The following GMDS variants were observed in gnomAD, a reference collection of about 807,000 sequenced individuals.
GMDS encodes GDP-mannose 4,6 dehydratase.
In GMDS, 20 loss-of-function variants were observed where a neutral mutation model predicts 49.9. That is an observed-to-expected ratio of 0.40 (90% CI 0.28 to 0.58). GMDS has a LOEUF of 0.58. Among genes scored for constraint, GMDS ranks in the 20% least tolerant of loss-of-function variants. GMDS has a pLI of 0.42. For missense variants in GMDS, 362 were observed against 481.4 expected (o/e 0.75, Z 2.32); for synonymous variants, 177 against 178.6 (o/e 0.99, Z 0.07).
Position 2,117,461 on chromosome 6 carries a change from T to C in GMDS, c.235+8A>G, listed in dbSNP as rs1581673434. 1 of 1,485,130 alleles carries C rather than the reference T, an allele frequency of 6.7e-7. No individual in the cohort carries two copies. The highest frequency in any genetic ancestry group is 1.1e-5 in the South Asian group (1 of 88,368). The allele number at this position is 1,485,130 out of a possible 1,614,324, so 92.0% of individuals were successfully genotyped here. A position where few individuals can be genotyped will look rare whatever the true frequency, so the allele number is the denominator to read the frequency against. ...AGAAAGAGATTCTAGAAAAAGAAAA[T>C]GACTTACTTCCTTCAATGTGAGCCT... On this transcript the variant is annotated splice_region_variant and intron_variant, in intron 3 of 10. Transcript: ENST00000380815.
At chr6:1,796,657 CATA>C (rs1447215007) in intron 7 of GMDS, among the ~76,000 whole-genome samples, 2 of 152,212 alleles carry the variant, frequency 1.3e-5, no homozygotes, top group Non-Finnish European at 2.9e-5. Context: ...CCATTAGCAA[CATA>C]ATAATTCACT....
At chr6:1,837,713 G>A (rs745806148) in intron 7 of GMDS, among the ~76,000 whole-genome samples, 1 of 152,180 alleles carries the variant, frequency 6.6e-6, no homozygotes, top group Non-Finnish European at 1.5e-5. Flanking sequence ...TAAAGCGAAG[G>A]CACGATATTC....
At chr6:1,637,209 A>G (rs1391874252) in intron 9 of GMDS, among the ~76,000 whole-genome samples, 2 of 152,198 alleles carry the variant, frequency 1.3e-5, no homozygotes, top group African/African-American at 2.4e-5. Flanking sequence ...GTCAGGTGGC[A>G]AAGGGTGGAG....
chr6:1,701,533 A>C (rs566948529), intron 9 of GMDS, among the ~76,000 whole-genome samples: 1 of 152,310 alleles, frequency 6.6e-6, no homozygotes, highest in South Asian at 2.1e-4. Flanking sequence ...TTTGAGCTTA[A>C]AGGCAAGTCT....
chr6:1,821,575 T>C (rs1770895767), intron 7 of GMDS, among the ~76,000 whole-genome samples: 2 of 149,654 alleles, frequency 1.3e-5, no homozygotes, highest in African/African-American at 4.9e-5. Flanking sequence ...TGTGTAACCA[T>C]CACTCATGAA....
At chr6:1,848,911 T>C (rs1370446491) in intron 7 of GMDS, among the ~76,000 whole-genome samples, 1 of 152,188 alleles carries the variant, frequency 6.6e-6, no homozygotes, top group Non-Finnish European at 1.5e-5. Context: ...ACTGACGTTT[T>C]GGGCCAGATA....
intron 4 of GMDS, among the ~76,000 whole-genome samples, chr6:2,065,154 C>T (rs185537945): frequency 1.3e-5 from 2 of 152,154 alleles, no homozygotes; most frequent in African/African-American, 4.8e-5. Context: ...CACCCCCCAG[C>T]AGGGGCAGAC....
chr6:2,077,386 T>C (rs1357536811), intron 4 of GMDS, among the ~76,000 whole-genome samples: 2 of 152,158 alleles, frequency 1.3e-5, no homozygotes, highest in African/African-American at 4.8e-5. Context: ...CTTTCAACTT[T>C]TCCCCATTCA....
chr6:2,114,923 C>T (rs1227147901), intron 4 of GMDS, among the ~76,000 whole-genome samples: 3 of 151,732 alleles, frequency 2.0e-5, no homozygotes, highest in Non-Finnish European at 4.4e-5. Flanking sequence ...TGAAATAAGA[C>T]TCCTGTACTT....
At chr6:1,798,923 C>T (rs547931698) in intron 7 of GMDS, among the ~76,000 whole-genome samples, 1 of 152,290 alleles carries the variant, frequency 6.6e-6, no homozygotes, top group Non-Finnish European at 1.5e-5. Flanking sequence ...ATGGAAAGTA[C>T]TGGAACACAA....
chr6:2,104,756 G>A (rs1774124917), intron 4 of GMDS, among the ~76,000 whole-genome samples: 2 of 151,938 alleles, frequency 1.3e-5, no homozygotes. Flanking sequence ...TTTTAATTTG[G>A]CAAATTTGAT....
rs188913258 is a variant in GMDS, at chr6:1,654,675, T to C, written c.988-30135A>G. On this transcript the variant is annotated intron_variant, in intron 9 of 10. Transcript: ENST00000380815. ...CCTGGAGATGGGTGGTGGTGATGGC[T>C]GCACAACACTGTGAATGTACTTAAT... Among the ~76,000 whole-genome samples, 67 of 152,268 alleles carry C rather than the reference T, an allele frequency of 4.4e-4. No homozygotes were observed. The East Asian group carries it at 8.9e-3, about 20-fold the overall frequency.
chr6:2,118,461 T>C (rs996474910), intron 2 of GMDS, among the ~76,000 whole-genome samples: 8 of 152,340 alleles, frequency 5.3e-5, no homozygotes, highest in Admixed American at 5.2e-4. Flanking sequence ...TGCAGCTGAA[T>C]ATACTTCTAT....
intron 7 of GMDS, among the ~76,000 whole-genome samples, chr6:1,884,934 G>A (rs1759530671): frequency 6.6e-6 from 1 of 152,090 alleles, no homozygotes; most frequent in South Asian, 2.1e-4. Context: ...TTATCTATAC[G>A]CTCCCTAACT....
intron 4 of GMDS, among the ~76,000 whole-genome samples, chr6:1,994,909 T>G (rs1271531230): frequency 2.0e-5 from 3 of 152,042 alleles, no homozygotes; most frequent in Non-Finnish European, 4.4e-5. Flanking sequence ...AAAATATCAA[T>G]AGCAGCTCTA....
chr6:2,112,208 A>C (rs1253030320), intron 4 of GMDS, among the ~76,000 whole-genome samples: 1 of 152,264 alleles, frequency 6.6e-6, no homozygotes, highest in Non-Finnish European at 1.5e-5. Flanking sequence ...CTGAATATCA[A>C]GAACTTTGAT....
intron 4 of GMDS, among the ~76,000 whole-genome samples, chr6:2,106,257 C>A (rs1011207837): frequency 6.6e-6 from 1 of 152,142 alleles, no homozygotes; most frequent in African/African-American, 2.4e-5. Context: ...TAATGATTTA[C>A]AGTACAAAGT....
At chr6:1,665,061 C>T (rs1764197363) in intron 9 of GMDS, among the ~76,000 whole-genome samples, 1 of 152,138 alleles carries the variant, frequency 6.6e-6, no homozygotes, top group Non-Finnish European at 1.5e-5. Context: ...GGCAGTTTAT[C>T]TTTGATCACT....
At chr6:2,131,448 C>G (rs976402223) in intron 1 of GMDS, among the ~76,000 whole-genome samples, 1 of 152,124 alleles carries the variant, frequency 6.6e-6, no homozygotes, top group East Asian at 1.9e-4. Flanking sequence ...AAGGGACAAC[C>G]AGTCCCCAAC....
Sources: gnomAD v4.1 joint callset for allele counts (sites outside exome capture counted in the v4.1 genomes callset) on GRCh38, gnomAD v4.1.1 for gene constraint, MANE v1.5 for transcripts, NCBI Gene and HGNC (gene_info 2026-07-23, HGNC 2026-07-21) for gene names.